Variants in PLCL2 observed in about 807,000 individuals in gnomAD.
PLCL2 encodes phospholipase C like 2.
Under a neutral mutation model 79.6 loss-of-function variants are expected in PLCL2, and 4 were observed. The observed-to-expected ratio is 0.05, with a 90% CI of 0.02 to 0.11. The LOEUF is 0.11. Among genes scored for constraint, PLCL2 ranks in the 10% least tolerant of loss-of-function variants. PLCL2 has a pLI of 1.00. For missense variants in PLCL2, 895 were observed against 1,291.0 expected (o/e 0.69, Z 4.70); for synonymous variants, 484 against 457.7 (o/e 1.06, Z -0.73).
intron 1 of PLCL2, among the ~76,000 whole-genome samples, chr3:16,891,094 A>G (rs1346627974): frequency 6.6e-6 from 1 of 152,176 alleles, no homozygotes; most frequent in Admixed American, 6.5e-5. Context: ...CCTGTGGTCG[A>G]GGGCTGCCCC....
At chr3:16,936,208 A>G (rs1356520412) in intron 1 of PLCL2, among the ~76,000 whole-genome samples, 1 of 152,254 alleles carries the variant, frequency 6.6e-6, no homozygotes, top group Non-Finnish European at 1.5e-5. Context: ...AACATTTCCT[A>G]AAACTTTTAC....
At chr3:16,969,959 T>C (rs1311136398) in intron 1 of PLCL2, among the ~76,000 whole-genome samples, 1 of 151,592 alleles carries the variant, frequency 6.6e-6, no homozygotes, top group Non-Finnish European at 1.5e-5. Context: ...AATTTCCTTG[T>C]TTACCCAAAA....
intron 4 of PLCL2, among the ~76,000 whole-genome samples, chr3:17,055,497 G>A (rs552848944): frequency 1.2e-4 from 18 of 152,190 alleles, no homozygotes; most frequent in African/African-American, 2.9e-4. Flanking sequence ...CACCTCAACC[G>A]TCCCTGTAAC....
intron 1 of PLCL2, among the ~76,000 whole-genome samples, chr3:16,962,482 A>G (rs1270409025): frequency 6.6e-6 from 1 of 151,826 alleles, no homozygotes; most frequent in Non-Finnish European, 1.5e-5. Flanking sequence ...ATAGTTCTCA[A>G]TATTAATAAT....
chr3:16,898,757 C>T (rs1348163582), intron 1 of PLCL2, among the ~76,000 whole-genome samples: 2 of 152,220 alleles, frequency 1.3e-5, no homozygotes, highest in African/African-American at 4.8e-5. Flanking sequence ...CTCTCAGGGC[C>T]GTCATTCCTG....
At chr3:16,942,212 G>A (rs2063553999) in intron 1 of PLCL2, among the ~76,000 whole-genome samples, 1 of 152,224 alleles carries the variant, frequency 6.6e-6, no homozygotes, top group South Asian at 2.1e-4. Flanking sequence ...AATCTGGAGT[G>A]AGAATCTGCT....
At chr3:16,902,816 C>T (rs1389964054) in intron 1 of PLCL2, among the ~76,000 whole-genome samples, 2 of 132,124 alleles carry the variant, frequency 1.5e-5, no homozygotes, top group African/African-American at 3.1e-5. Context: ...AACAGAGCTA[C>T]ACTCCATCTC....
intron 3 of PLCL2, among the ~76,000 whole-genome samples, chr3:17,035,193 C>T (rs377741895): frequency 2.0e-5 from 3 of 152,152 alleles, no homozygotes; most frequent in East Asian, 1.9e-4. Context: ...CTTAGACTTC[C>T]CTATTGTAAC....
At chr3:17,067,168 C>T (rs2065018472) in intron 4 of PLCL2, among the ~76,000 whole-genome samples, 1 of 151,852 alleles carries the variant, frequency 6.6e-6, no homozygotes, top group South Asian at 2.1e-4. Flanking sequence ...ATATTTTTCA[C>T]TGAACATTCT....
chr3:16,928,085 A>G (rs970986596), intron 1 of PLCL2, among the ~76,000 whole-genome samples: 1 of 152,204 alleles, frequency 6.6e-6, no homozygotes, highest in Admixed American at 6.5e-5. Context: ...AAGGCTCTGC[A>G]TTACCTAATT....
chr3:16,955,897 G>A (rs913183966), intron 1 of PLCL2, among the ~76,000 whole-genome samples: 7 of 152,080 alleles, frequency 4.6e-5, no homozygotes, highest in Non-Finnish European at 1.0e-4. Flanking sequence ...AGACTTTGCT[G>A]AAGTTGCTTA....
intron 1 of PLCL2, among the ~76,000 whole-genome samples, chr3:16,991,264 G>A (rs181867238): frequency 4.6e-5 from 7 of 152,266 alleles, no homozygotes; most frequent in African/African-American, 1.7e-4. Flanking sequence ...TGGGATGATA[G>A]GTCCTGCTTC....
intron 1 of PLCL2, among the ~76,000 whole-genome samples, chr3:16,979,360 A>G (rs78277999): frequency 0.026 from 3,560 of 139,154 alleles, 133 homozygotes; most frequent in African/African-American, 0.081. Context: ...TTTTTTTTTT[A>G]ATCATTCTTG....
At chr3:17,063,236 C>T (rs1028063578) in intron 4 of PLCL2, among the ~76,000 whole-genome samples, 6 of 82,282 alleles carry the variant, frequency 7.3e-5, no homozygotes, top group Middle Eastern at 4.4e-3. Flanking sequence ...CTCCCTCCCT[C>T]CCTCCCTGCC....
At chr3:16,911,505 C>G (rs1696881764) in intron 1 of PLCL2, among the ~76,000 whole-genome samples, 1 of 152,130 alleles carries the variant, frequency 6.6e-6, no homozygotes, top group Admixed American at 6.5e-5. Context: ...AAATCTGAAT[C>G]TAACTCATAT....
intron 4 of PLCL2, among the ~76,000 whole-genome samples, chr3:17,059,856 G>C (rs866643826): frequency 6.6e-6 from 1 of 152,116 alleles, no homozygotes; most frequent in Non-Finnish European, 1.5e-5. Context: ...AATTAAAATC[G>C]GAAGAGGTGT....
intron 1 of PLCL2, among the ~76,000 whole-genome samples, chr3:16,909,617 T>A: frequency 6.6e-6 from 1 of 152,190 alleles, no homozygotes; most frequent in East Asian, 1.9e-4. Context: ...GGGATTGAAA[T>A]TTGCACACTG....
At chr3:17,051,416 A>C (rs1351596249) in intron 4 of PLCL2, among the ~76,000 whole-genome samples, 2 of 152,164 alleles carry the variant, frequency 1.3e-5, no homozygotes, top group Non-Finnish European at 2.9e-5. Context: ...GTACCCCATA[A>C]GTATATATAC....
intron 1 of PLCL2, among the ~76,000 whole-genome samples, chr3:16,888,024 A>G (rs1180684152): frequency 6.6e-6 from 1 of 152,116 alleles, no homozygotes; most frequent in South Asian, 2.1e-4. Flanking sequence ...ATGGGGTTGT[A>G]TTAGTTGAAA....
Sources: allele counts gnomAD v4.1 joint callset (sites outside exome capture counted in the v4.1 genomes callset), GRCh38; gene constraint gnomAD v4.1.1; transcripts MANE v1.5; gene names NCBI Gene and HGNC (gene_info 2026-07-23, HGNC 2026-07-21).